Variants in ADGRL3 observed in about 807,000 individuals in gnomAD.
ADGRL3 encodes the protein adhesion G protein-coupled receptor L3.
ADGRL3 carries 62 observed loss-of-function variants against 153.5 expected under a neutral mutation model. That is an observed-to-expected ratio of 0.40 (90% confidence interval 0.33 to 0.50). The LOEUF is 0.50. Among genes scored for constraint, ADGRL3 ranks in the 20% least tolerant of loss-of-function variants. The pLI is 0.47. For synonymous variants in ADGRL3, 710 were observed against 672.5 expected (o/e 1.06, Z -0.86); for missense variants, 1,641 against 1,859.4 (o/e 0.88, Z 2.16).
chr4:61,522,623 G>A (rs2098537907), intron 4 of ADGRL3, among the ~76,000 whole-genome samples: 1 of 152,186 alleles, frequency 6.6e-6, no homozygotes, highest in East Asian at 1.9e-4. Context: ...AATAGAGGGA[G>A]CCAGTTCTTT....
At chr4:61,548,114 T>C (rs2098722712) in intron 4 of ADGRL3, among the ~76,000 whole-genome samples, 1 of 152,188 alleles carries the variant, frequency 6.6e-6, no homozygotes, top group Admixed American at 6.5e-5. Context: ...CCTTTGCCCA[T>C]GTTTAATGGG....
chr4:61,799,501 CT>C (rs1166712565), intron 8 of ADGRL3, among the ~76,000 whole-genome samples: 6 of 152,072 alleles, frequency 3.9e-5, no homozygotes, highest in Non-Finnish European at 7.4e-5. Flanking sequence ...ACCACACATA[CT>C]CAGGCCATGG....
chr4:61,519,754 T>C (rs1335661478), intron 4 of ADGRL3, among the ~76,000 whole-genome samples: 1 of 152,132 alleles, frequency 6.6e-6, no homozygotes, highest in African/African-American at 2.4e-5. Flanking sequence ...CAAGAAAATG[T>C]CAGTGAATTC....
chr4:61,373,524 TTA>T (rs1400537595), intron 1 of ADGRL3, among the ~76,000 whole-genome samples: 1 of 152,214 alleles, frequency 6.6e-6, no homozygotes, highest in Non-Finnish European at 1.5e-5. Flanking sequence ...AGCATTTCCT[TTA>T]TATCTCTTGA....
intron 2 of ADGRL3, chr4:61,425,461 C>T (rs2097265557): frequency 6.6e-6 from 1 of 152,340 alleles, no homozygotes; most frequent in South Asian, 2.1e-4. Context: ...GATTAGTCAC[C>T]TCAGCATAGG....
intron 25 of ADGRL3, among the ~76,000 whole-genome samples, chr4:62,058,709 G>A (rs1738425168): frequency 6.6e-6 from 1 of 152,232 alleles, no homozygotes. Flanking sequence ...CTGAAAAACA[G>A]TGACAGATGG....
chr4:61,793,746 TTATAAAG>T (rs1458461018), intron 8 of ADGRL3, among the ~76,000 whole-genome samples: 1 of 152,156 alleles, frequency 6.6e-6, no homozygotes, highest in Non-Finnish European at 1.5e-5. Flanking sequence ...AAACGATAAG[TTATAAAG>T]TATAGTTTAT....
chr4:61,614,658 C>T (rs2091791531), intron 5 of ADGRL3, among the ~76,000 whole-genome samples: 1 of 152,144 alleles, frequency 6.6e-6, no homozygotes, highest in South Asian at 2.1e-4. Context: ...GAATGGTGAG[C>T]ACTTTTTTCA....
At chr4:61,451,637 A>G (rs1450636312) in intron 2 of ADGRL3, among the ~76,000 whole-genome samples, 1 of 152,182 alleles carries the variant, frequency 6.6e-6, no homozygotes, top group African/African-American at 2.4e-5. Context: ...ACCAAAAGAT[A>G]CAGAGCTGCA....
At chr4:62,042,260 T>G (rs1362574142) in intron 24 of ADGRL3, among the ~76,000 whole-genome samples, 1 of 151,894 alleles carries the variant, frequency 6.6e-6, no homozygotes, top group Non-Finnish European at 1.5e-5. Context: ...TGGATAGCTA[T>G]TAAATATAAA....
At chr4:61,426,863 C>G (rs2097288861) in intron 2 of ADGRL3, 1 of 152,210 alleles carries the variant, frequency 6.6e-6, no homozygotes, top group Non-Finnish European at 1.5e-5. Flanking sequence ...ACTGGGTTGC[C>G]TATCAGTTTT....
At chr4:62,057,868 A>G (rs1365006160) in intron 25 of ADGRL3, among the ~76,000 whole-genome samples, 1 of 152,046 alleles carries the variant, frequency 6.6e-6, no homozygotes, top group Non-Finnish European at 1.5e-5. Context: ...TAGTAGAGAC[A>G]GGATTTCACC....
chr4:61,689,018 T>C (rs1168473199), intron 6 of ADGRL3, among the ~76,000 whole-genome samples: 1 of 152,156 alleles, frequency 6.6e-6, no homozygotes, highest in Non-Finnish European at 1.5e-5. Context: ...TGCAGTGCAG[T>C]GGCACGAATA....
At chr4:61,735,717 G>A (rs971046400) in intron 8 of ADGRL3, among the ~76,000 whole-genome samples, 1 of 152,006 alleles carries the variant, frequency 6.6e-6, no homozygotes, top group Non-Finnish European at 1.5e-5. Context: ...GGTAATCAGT[G>A]AATAAGAGGC....
rs899323693 is a variant in ADGRL3 at position 61,737,387 on chromosome 4, C to T, written c.1399+3833C>T. Among the ~76,000 whole-genome samples the T allele has an allele frequency of 3.3e-5, 5 of 152,016 alleles. No individual in the cohort carries two copies. The East Asian group carries it at 9.7e-4, about 29-fold the overall frequency. The stretch of plus-strand genomic sequence containing the variant: ...TGTTGAAAAATAAAAGGCAAATATA[C>T]TTCTCTTGGGTATATAAAGATCCTC... On this transcript the variant is annotated intron_variant, in intron 8 of 26. Coordinates refer to ENST00000683033, the MANE Select transcript of ADGRL3 (RefSeq NM_001387552.1).
At chr4:61,326,776 G>T (rs1157973114) in intron 1 of ADGRL3, among the ~76,000 whole-genome samples, 2 of 151,896 alleles carry the variant, frequency 1.3e-5, no homozygotes, top group Admixed American at 6.6e-5. Flanking sequence ...AACACAGTAT[G>T]TGTTAAAATT....
intron 9 of ADGRL3, among the ~76,000 whole-genome samples, chr4:61,837,132 C>A (rs2097948674): frequency 6.6e-6 from 1 of 152,036 alleles, no homozygotes; most frequent in Non-Finnish European, 1.5e-5. Flanking sequence ...AGTCAGGACT[C>A]TGGAATAGAT....
chr4:61,958,375 A>C (rs1484102128), intron 17 of ADGRL3, among the ~76,000 whole-genome samples: 1 of 119,008 alleles, frequency 8.4e-6, no homozygotes, highest in African/African-American at 3.2e-5. Context: ...AATGTTGTAA[A>C]GGTTTCTTTC....
At chr4:61,276,605 A>G (rs148955223) in intron 1 of ADGRL3, among the ~76,000 whole-genome samples, 23 of 152,258 alleles carry the variant, frequency 1.5e-4, no homozygotes, top group African/African-American at 5.3e-4. Flanking sequence ...TCCTTTCTGT[A>G]CATTTCTAAT....
Sources: gnomAD v4.1 joint callset for allele counts (sites outside exome capture counted in the v4.1 genomes callset) on GRCh38, gnomAD v4.1.1 for gene constraint, MANE v1.5 for transcripts, NCBI Gene and HGNC (gene_info 2026-07-23, HGNC 2026-07-21) for gene names.